ASH1L: variants seen among roughly 807,000 people sequenced by gnomAD.
The protein encoded by ASH1L is histone-lysine N-methyltransferase ASH1L.
In ASH1L, 23 loss-of-function variants were observed where a neutral mutation model predicts 269.0. The observed-to-expected ratio is 0.09, with a 90% confidence interval of 0.06 to 0.12. ASH1L has a LOEUF of 0.12. Among genes scored for constraint, ASH1L ranks in the 10% least tolerant of loss-of-function variants. The probability of loss-of-function intolerance (pLI) is 1.00; values close to 1 mark genes in which losing one functional copy is unlikely to be tolerated. For synonymous variants in ASH1L, 1,187 were observed against 1,253.5 expected (o/e 0.95, Z 1.12); for missense variants, 2,912 against 3,567.8 (o/e 0.82, Z 4.68).
intron 16 of ASH1L, 24 bp from the exon 17 acceptor site, chr1:155,352,882 A>G (rs779744115): frequency 6.3e-7 from 1 of 1,582,822 alleles, no homozygotes; most frequent in Non-Finnish European, 8.6e-7. Flanking sequence ...GTGAAAATTA[A>G]GTTACAGGAA....
At chr1:155,505,484 G>A (rs1026273857) in intron 2 of ASH1L, among the ~76,000 whole-genome samples, 2 of 152,134 alleles carry the variant, frequency 1.3e-5, no homozygotes, top group African/African-American at 4.8e-5. Context: ...TATGGGCAAA[G>A]TTAAGTGATA....
At chr1:155,546,865 G>A (rs1385870749) in intron 1 of ASH1L, among the ~76,000 whole-genome samples, 1 of 151,028 alleles carries the variant, frequency 6.6e-6, no homozygotes, top group Non-Finnish European at 1.5e-5. Context: ...ACAATCCAAA[G>A]TGCCAGTGAA....
At chr1:155,523,057 T>C (rs902313433) in intron 1 of ASH1L, among the ~76,000 whole-genome samples, 1 of 152,200 alleles carries the variant, frequency 6.6e-6, no homozygotes, top group Non-Finnish European at 1.5e-5. Flanking sequence ...ACTGACAGAC[T>C]AGTCTTCATG....
intron 19 of ASH1L, 70 bp from the exon 20 acceptor site, chr1:155,347,974 A>G (rs891034337): frequency 4.4e-6 from 7 of 1,587,230 alleles, no homozygotes; most frequent in Non-Finnish European, 6.0e-6. Flanking sequence ...CTAAAGAGGT[A>G]GCAAGGTAGC....
rs80004821 is a variant in ASH1L at position 155,345,618 on chromosome 1, A to G, written c.7890+765T>C. On this transcript the variant is annotated intron_variant, in intron 21 of 27. Transcript: ENST00000392403. ...GAGACAGTGTCTTGCTCTGTTGCCCAGGCTAGAATGCAGTGATGCGATCTT... is the reference window on the plus strand; with the variant it reads ...GAGACAGTGTCTTGCTCTGTTGCCCGGGCTAGAATGCAGTGATGCGATCTT... Among the ~76,000 whole-genome samples, 1,048 of 110,068 alleles carry G rather than the reference A, an allele frequency of 9.5e-3. 20 individuals are homozygous for G. The highest frequency in any genetic ancestry group is 0.032 in the African/African-American group (871 of 27,354). The allele number at this position is 110,068 out of a possible 152,430, so 72.2% of individuals were successfully genotyped here.
chr1:155,536,001 G>GA lies in ASH1L; in HGVS notation c.-99-14384dup, dbSNP rs571532832. ...CAACAAGAGCAAAACTCCATCTCAA[G>GA]AAAAAAAAAAAAAAGAAAAAAATTT... On this transcript the variant is annotated intron_variant, in intron 1 of 27. Transcript: ENST00000392403. Among the ~76,000 whole-genome samples the GA allele has an allele frequency of 7.1e-3, 738 of 103,558 alleles. 2 individuals carry two copies. Among genetic ancestry groups the GA allele is most frequent in the African/African-American group, 0.016 (463 of 28,552 alleles). 67.9% of individuals were successfully genotyped at this position (103,558 alleles called of 152,430 possible).
At chr1:155,487,387 A>AT (rs1326922503) in intron 2 of ASH1L, among the ~76,000 whole-genome samples, 4 of 151,662 alleles carry the variant, frequency 2.6e-5, no homozygotes, top group Admixed American at 6.6e-5. Flanking sequence ...CTACTTTTTT[A>AT]TTTTTTTTAA....
At chr1:155,406,068 G>A (rs1659260565) in intron 6 of ASH1L, among the ~76,000 whole-genome samples, 1 of 151,762 alleles carries the variant, frequency 6.6e-6, no homozygotes, top group Admixed American at 6.6e-5. Flanking sequence ...GATGGGCATG[G>A]TAGCACATGC....
Position 155,438,940 on chromosome 1 carries a change from C to G in ASH1L, c.5215G>C (p.Ala1739Pro). 6.2e-7 allele frequency: 1 copy of G among 1,614,150 alleles called. No homozygotes were observed. The highest frequency in any genetic ancestry group is 8.5e-7 in the Non-Finnish European group (1 of 1,180,018). Reference sequence around the variant, plus strand: ...GAAGAAGGTGGTGCAGAGGCAGTTGCAATCACAGCATCAATACTTTTCTCC... The same window carrying G: ...GAAGAAGGTGGTGCAGAGGCAGTTGGAATCACAGCATCAATACTTTTCTCC... ...PMEKSIDAVI[A>P]TASAPPSSSP... The change falls in exon 5 of 28, where the codon GCA becomes CCA. Residue 1739 changes from alanine (A) to proline (P), a missense_variant. Physicochemically the swap from Ala to Pro is conservative, Grantham distance 27. Coordinates refer to ENST00000392403, the MANE Select transcript of ASH1L (RefSeq NM_018489.3).
At chr1:155,349,509 A>C in intron 18 of ASH1L, 33 bp downstream of exon 18, 1 of 1,614,084 alleles carries the variant, frequency 6.2e-7, no homozygotes. Flanking sequence ...CACTTTTTAA[A>C]AACTCAGATG....
In ASH1L at chr1:155,479,008, T is replaced by C. The variant is rs1280289463; in HGVS notation, c.3862A>G (p.Ile1288Val). 1 of 1,613,820 alleles carries C rather than the reference T, an allele frequency of 6.2e-7. No individual in the cohort carries two copies. The change falls in exon 3 of 28, where the codon ATT (isoleucine) becomes GTT (valine). Residue 1288 changes from isoleucine to valine, a missense_variant. By Grantham distance (29) the Ile-to-Val change is conservative. Coordinates refer to ENST00000392403, the MANE Select transcript of ASH1L (RefSeq NM_018489.3). Reference protein sequence around the residue: ...QLRNRQDPDFIAELEELISRL... With the variant: ...QLRNRQDPDFVAELEELISRL... The stretch of plus-strand genomic sequence containing the variant: ...CTTATTAGTTCCTCCAGCTCTGCAA[T>C]AAAGTCTGGATCCTGTCTATTTCGA...
intron 6 of ASH1L, chr1:155,396,870 G>C (rs577572536): frequency 1.3e-5 from 2 of 151,198 alleles, no homozygotes; most frequent in Non-Finnish European, 2.9e-5. Context: ...GCTGAGGCAG[G>C]AGAATTGCTT....
chr1:155,465,582 G>T (rs188956172), intron 3 of ASH1L, among the ~76,000 whole-genome samples: 1 of 152,164 alleles, frequency 6.6e-6, no homozygotes, highest in African/African-American at 2.4e-5. Flanking sequence ...AGATATTATC[G>T]ATTTTAAAAT....
At chr1:155,512,383 T>C (rs1668216968) in intron 2 of ASH1L, among the ~76,000 whole-genome samples, 1 of 148,706 alleles carries the variant, frequency 6.7e-6, no homozygotes, top group African/African-American at 2.5e-5. Flanking sequence ...CGCCACTGCA[T>C]GCAAGCCTGG....
Position 155,357,361 on chromosome 1 carries a change from C to T in ASH1L, c.7010G>A (p.Arg2337Lys), listed in dbSNP as rs772335205. The T allele has an allele frequency of 6.2e-7, 1 of 1,613,842 alleles. No homozygotes were observed. The highest frequency in any genetic ancestry group is 2.2e-5 in the East Asian group (1 of 44,858). Residue 2337 changes from arginine to lysine, a missense_variant, in exon 15 of 28, where the codon AGA (arginine) becomes AAA (lysine). Physicochemically the swap from Arg to Lys is conservative, Grantham distance 26 (BLOSUM62 2). Coordinates refer to ENST00000392403, the MANE Select transcript of ASH1L (RefSeq NM_018489.3). ...EPSENINTPT[R>K]LTPQLQMKPM... ...CTTCATCTGTAATTGGGGGGTCAATCTAGTTGGGGTGTTGATATTTTCACT... is the reference window on the plus strand; with the variant it reads ...CTTCATCTGTAATTGGGGGGTCAATTTAGTTGGGGTGTTGATATTTTCACT...
chr1:155,482,684 T>C (rs1223126701), intron 2 of ASH1L, among the ~76,000 whole-genome samples: 1 of 152,216 alleles, frequency 6.6e-6, no homozygotes, highest in East Asian at 1.9e-4. Flanking sequence ...AACTATACAT[T>C]AGAGGGTCTT....
intron 5 of ASH1L, among the ~76,000 whole-genome samples, chr1:155,430,019 A>C (rs996331396): frequency 6.0e-5 from 9 of 151,164 alleles, no homozygotes; most frequent in Non-Finnish European, 1.3e-4. Context: ...TCTGTCGCCC[A>C]GGCTGGAGCG....
At chr1:155,426,821 C>G (rs1336685485) in intron 5 of ASH1L, among the ~76,000 whole-genome samples, 1 of 152,086 alleles carries the variant, frequency 6.6e-6, no homozygotes, top group Non-Finnish European at 1.5e-5. Context: ...GTTTAAGTAT[C>G]GCAAATCTCA....
intron 1 of ASH1L, among the ~76,000 whole-genome samples, chr1:155,534,370 A>C (rs1669902575): frequency 6.7e-6 from 1 of 149,084 alleles, no homozygotes; most frequent in Non-Finnish European, 1.5e-5. Flanking sequence ...TAACAATGGA[A>C]ATAGAGAAAA....
Sources: allele counts gnomAD v4.1 joint callset (sites outside exome capture counted in the v4.1 genomes callset), GRCh38; gene constraint gnomAD v4.1.1; transcripts MANE v1.5; gene names NCBI Gene and HGNC (gene_info 2026-07-23, HGNC 2026-07-21).